PRPF19: variants seen among roughly 807,000 people sequenced by gnomAD.
The protein encoded by PRPF19 is pre-mRNA processing factor 19.
PRPF19 carries 2 observed loss-of-function variants against 64.2 expected under a neutral mutation model. The ratio of observed to expected loss-of-function variants is 0.03; its 90% CI spans 0.01 to 0.10. PRPF19 has a LOEUF of 0.10. PRPF19 is among the 10% of genes least tolerant of loss of function. PRPF19 has a pLI of 1.00. For missense variants in PRPF19, 314 were observed against 650.0 expected (o/e 0.48, Z 5.62); for synonymous variants, 226 against 251.6 (o/e 0.90, Z 0.96).
At chr11:60,900,521 G>A in intron 10 of PRPF19, 61 bp downstream of exon 10, 6 of 1,309,484 alleles carry the variant, frequency 4.6e-6, no homozygotes, top group Non-Finnish European at 6.4e-6. Context: ...ACAGCAGCGG[G>A]GTGAGGGACA....
At chr11:60,904,570 G>C (rs1856021836) in intron 1 of PRPF19, among the ~76,000 whole-genome samples, 5 of 152,024 alleles carry the variant, frequency 3.3e-5, no homozygotes, top group Admixed American at 3.3e-4. Context: ...CTCCTTTTTG[G>C]GTTCAATTAA....
At chr11:60,899,123 C>G in intron 11 of PRPF19, 26 bp downstream of exon 11, 1 of 1,602,694 alleles carries the variant, frequency 6.2e-7, no homozygotes, top group Non-Finnish European at 8.5e-7. Context: ...CAGCAGGCCT[C>G]TCCAGGGCAC....
At chr11:60,896,447 C>T (rs1855921343) in intron 15 of PRPF19, among the ~76,000 whole-genome samples, 1 of 152,160 alleles carries the variant, frequency 6.6e-6, no homozygotes, top group Non-Finnish European at 1.5e-5. Flanking sequence ...CCATAATCCC[C>T]ACGTGTTGTG....
At chr11:60,901,787 G>A (rs1196468478) in intron 6 of PRPF19, among the ~76,000 whole-genome samples, 1 of 152,170 alleles carries the variant, frequency 6.6e-6, no homozygotes, top group East Asian at 1.9e-4. Context: ...GCCCAAGGTC[G>A]CAGAGGTGAT....
intron 15 of PRPF19, 57 bp downstream of exon 15, chr11:60,897,789 C>T: frequency 2.1e-6 from 3 of 1,462,568 alleles, no homozygotes; most frequent in Non-Finnish European, 2.8e-6. Flanking sequence ...CCCAGTGAGG[C>T]TTCCCTCCGG....
chr11:60,899,515 T>C (rs1276532145), intron 10 of PRPF19, among the ~76,000 whole-genome samples: 2 of 152,228 alleles, frequency 1.3e-5, no homozygotes, highest in African/African-American at 4.8e-5. Context: ...CATCAGGGCT[T>C]GTGGAGGCGT....
chr11:60,906,217 G>T (rs149032780), intron 1 of PRPF19, 147 bp downstream of exon 1: 123 of 1,280,850 alleles, frequency 9.6e-5, no homozygotes, highest in Middle Eastern at 2.8e-4. Context: ...CGACGGGGGG[G>T]GCTCCGGTGC....
At position 60,898,682 on chromosome 11, in the gene PRPF19, G is replaced by C. The variant is rs1389820933; in HGVS notation, c.1055-56C>G. 6.2e-7 allele frequency: 1 copy of C among 1,612,152 alleles called. No individual in the cohort carries two copies. Among genetic ancestry groups the C allele is most frequent in the Admixed American group, 1.7e-5 (1 of 59,916 alleles). ...AGAGCCCACCAGGGAGAGAGACTAA[G>C]AGCAGCAAAGGTAGGTTCCTTGTTC... On this transcript the variant is annotated intron_variant, in intron 12 of 15. Coordinates refer to ENST00000227524, the MANE Select transcript of PRPF19 (RefSeq NM_014502.5). This position sits in a 1 kb window ranked among gnomAD's most constrained non-coding sequence, Gnocchi z 4.6.
At chr11:60,893,836 T>G (rs1430939116) in intron 15 of PRPF19, among the ~76,000 whole-genome samples, 1 of 151,952 alleles carries the variant, frequency 6.6e-6, no homozygotes, top group African/African-American at 2.4e-5. Flanking sequence ...CCACCTGTGC[T>G]AGAACCTGGG....
Position 60,903,519 on chromosome 11 carries a change from C to A in PRPF19, c.186G>T (p.Arg62=). The part of the protein sequence containing the change: ...LIDIKVAHPI[R]PKPPSATSIP... ...TGCTGGTGGCTGAGGGAGGCTTGGG[C>A]CGGATTGGGTGAGCAACTGCCGAAA... Residue 62 remains arginine, a synonymous_variant, in exon 3 of 16, where the codon CGG becomes CGT. Transcript: ENST00000227524. The A allele has an allele frequency of 1.2e-6, 2 of 1,614,048 alleles. No homozygotes were observed. The highest frequency in any genetic ancestry group is 1.7e-6 in the Non-Finnish European group (2 of 1,179,984).
rs1855982698 is a variant in PRPF19, at chr11:60,901,379, T to C, written c.568-10A>G. ...GCACAGTCTTCCCTCTCTGAGAAAATGAAAAGCCCCCAAAGAAGAGCAGCA... is the reference window on the plus strand; with the variant it reads ...GCACAGTCTTCCCTCTCTGAGAAAACGAAAAGCCCCCAAAGAAGAGCAGCA... On this transcript the variant is annotated splice_polypyrimidine_tract_variant and intron_variant, in intron 7 of 15. Transcript: ENST00000227524. The C allele has an allele frequency of 1.2e-6, 2 of 1,613,976 alleles. No individual in the cohort carries two copies. Among genetic ancestry groups the C allele is most frequent in the Admixed American group, 1.7e-5 (1 of 59,988 alleles).
chr11:60,906,434 T>C lies in PRPF19; in HGVS notation c.-52A>G, dbSNP rs1402460280. The C allele has an allele frequency of 1.3e-6, 2 of 1,506,940 alleles. No individual in the cohort carries two copies. Among genetic ancestry groups the C allele is most frequent in the Admixed American group, 4.0e-5 (2 of 49,964 alleles). 93.3% of individuals were successfully genotyped at this position (1,506,940 alleles called of 1,614,324 possible). A position where few individuals can be genotyped will look rare whatever the true frequency, so the allele number is the denominator to read the frequency against. ...CACACGCCGGGCTCCGGGACTAGCT[T>C]CTGAGCCTCCGCGAGCCACTTCCGG... On this transcript the variant is annotated 5_prime_UTR_variant, in exon 1 of 16. Transcript: ENST00000227524.
Position 60,902,931 on chromosome 11 carries a change from A to G in PRPF19, c.247-50T>C. 6.3e-7 allele frequency: 1 copy of G among 1,593,452 alleles called. No individual in the cohort carries two copies. Among genetic ancestry groups the G allele is most frequent in the Non-Finnish European group, 8.5e-7 (1 of 1,172,844 alleles). Reference sequence around the variant, plus strand: ...AGGTGAGGTGGGGGGTGCAGGGAGTACCCAGTGGAGTCAGCCCTTGGGGAG... The same window carrying G: ...AGGTGAGGTGGGGGGTGCAGGGAGTGCCCAGTGGAGTCAGCCCTTGGGGAG... On this transcript the variant is annotated intron_variant, in intron 3 of 15. Coordinates refer to ENST00000227524, the MANE Select transcript of PRPF19 (RefSeq NM_014502.5). This position sits in a 1 kb window ranked among gnomAD's most constrained non-coding sequence, Gnocchi z 5.0.
chr11:60,903,151 C>A (rs1233215180), intron 3 of PRPF19, among the ~76,000 whole-genome samples: 4 of 152,104 alleles, frequency 2.6e-5, no homozygotes, highest in Non-Finnish European at 5.9e-5. Context: ...GCTGTCATGC[C>A]GTCCCCTCTC....
At chr11:60,897,991 C>A (rs1855941091) in intron 14 of PRPF19, 40 bp from the exon 15 acceptor site, 1 of 1,610,658 alleles carries the variant, frequency 6.2e-7, no homozygotes, top group Non-Finnish European at 8.5e-7. Context: ...ACAAGGGGAA[C>A]AGAAACTATG....
chr11:60,901,956 C>T (rs553561524), intron 6 of PRPF19, among the ~76,000 whole-genome samples: 1 of 152,280 alleles, frequency 6.6e-6, no homozygotes, highest in Non-Finnish European at 1.5e-5. Flanking sequence ...AATCAGGAAG[C>T]CCAGCTCTGC....
chr11:60,891,325 T>C (rs1855856631), intron 15 of PRPF19, 62 bp from the exon 16 acceptor site: 2 of 1,219,778 alleles, frequency 1.6e-6, no homozygotes, highest in Admixed American at 1.8e-5. Flanking sequence ...TGAACACTGA[T>C]CCCTAATAAC....
In PRPF19 at chr11:60,901,358, A is replaced by G. The variant is rs771026459; in HGVS notation, c.579T>C (p.Thr193=). Residue 193 remains threonine, a synonymous_variant, in exon 8 of 16, where the codon ACT becomes ACC. Coordinates refer to ENST00000227524, the MANE Select transcript of PRPF19 (RefSeq NM_014502.5). ...LTTERKKRGK[T]VPEELVKPEE... The stretch of plus-strand genomic sequence containing the variant: ...CTGGCTTCACCAGCTCCTCAGGCAC[A>G]GTCTTCCCTCTCTGAGAAAATGAAA... 2.5e-6 allele frequency: 4 copies of G among 1,614,102 alleles called. No homozygotes were observed. The highest frequency in any genetic ancestry group is 3.3e-5 in the Admixed American group (2 of 59,996).
intron 8 of PRPF19, 23 bp from the exon 9 acceptor site, chr11:60,900,952 C>A: frequency 6.2e-7 from 1 of 1,613,792 alleles, no homozygotes. Context: ...ACACACCAAA[C>A]CCTGTCACGG....
Sources: gnomAD v4.1 joint callset for allele counts (sites outside exome capture counted in the v4.1 genomes callset) on GRCh38, gnomAD v4.1.1 for gene constraint, Gnocchi (gnomAD v3.1) non-coding constraint, MANE v1.5 for transcripts, NCBI Gene and HGNC (gene_info 2026-07-23, HGNC 2026-07-21) for gene names.